The following PITPNM1 variants were observed in gnomAD, a reference collection of about 807,000 sequenced individuals.
PITPNM1 encodes phosphatidylinositol transfer protein membrane associated 1.
Under a neutral mutation model 133.3 loss-of-function variants are expected in PITPNM1, and 74 were observed. The observed-to-expected ratio is 0.56, with a 90% confidence interval of 0.46 to 0.67. The LOEUF (loss-of-function observed/expected upper bound fraction) is 0.67. PITPNM1 is among the 30% of genes least tolerant of loss of function. The pLI is 0.00. For missense variants in PITPNM1, 1,398 were observed against 1,739.5 expected (o/e 0.80, Z 3.49); for synonymous variants, 738 against 741.4 (o/e 1.00, Z 0.08).
chr11:67,504,022 C>A lies in PITPNM1; in HGVS notation c.78+81G>T, dbSNP rs960752613. The stretch of plus-strand genomic sequence containing the variant: ...CTCTTGCCTCCTCCGGGCTCCCAGC[C>A]GGTCCCAGCCCCGGGGCAGGGCTGG... On this transcript the variant is annotated intron_variant, in intron 2 of 23. Coordinates refer to ENST00000356404, the MANE Select transcript of PITPNM1 (RefSeq NM_004910.3). This position sits in a 1 kb window ranked among gnomAD's most constrained non-coding sequence, Gnocchi z 5.4. 195 of 1,112,374 alleles carry A rather than the reference C, an allele frequency of 1.8e-4. No homozygotes were observed. The highest frequency in any genetic ancestry group is 2.4e-4 in the Non-Finnish European group (185 of 782,822). 68.9% of individuals were successfully genotyped at this position (1,112,374 alleles called of 1,614,324 possible). A position where few individuals can be genotyped will look rare whatever the true frequency, so the allele number is the denominator to read the frequency against.
Position 67,502,506 on chromosome 11 carries a change from G to A in PITPNM1, c.291C>T (p.Thr97=). Residue 97 remains threonine, a splice_region_variant and synonymous_variant, in exon 3 of 24, where the codon ACC becomes ACT. Coordinates refer to ENST00000356404, the MANE Select transcript of PITPNM1 (RefSeq NM_004910.3). The surrounding 1 kb of genome is among the most constrained non-coding windows in gnomAD (Gnocchi z 5.9). ...ESWNAYPYTR[T]RYTCPFVEKF... ...CCATGCCCAGCTCACCCACTCACCGGGTTCGGGTGTAGGGGTAGGCATTCC... is the reference window on the plus strand; with the variant it reads ...CCATGCCCAGCTCACCCACTCACCGAGTTCGGGTGTAGGGGTAGGCATTCC... The A allele has an allele frequency of 1.9e-6, 3 of 1,613,652 alleles. No individual in the cohort carries two copies. Among genetic ancestry groups the A allele is most frequent in the East Asian group, 4.5e-5 (2 of 44,908 alleles).
chr11:67,496,597 C>T (rs1333336890), intron 14 of PITPNM1: 9 of 488,558 alleles, frequency 1.8e-5, no homozygotes, highest in East Asian at 1.1e-4. Context: ...GTCAGGAGTT[C>T]GAGACCAGTC....
At chr11:67,494,801 C>T in intron 18 of PITPNM1, 45 bp downstream of exon 18, 1 of 1,396,496 alleles carries the variant, frequency 7.2e-7, no homozygotes, top group Non-Finnish European at 1.0e-6. Flanking sequence ...GGTGAGTGGG[C>T]GAGAGTGGGC....
At position 67,491,842 on chromosome 11, in the gene PITPNM1, C is replaced by T. The variant is rs1277375947; in HGVS notation, c.*191G>A. 10 of 641,012 alleles carry T rather than the reference C, an allele frequency of 1.6e-5. No homozygotes were observed. The highest frequency in any genetic ancestry group is 3.7e-5 in the African/African-American group (2 of 54,382). 39.7% of individuals were successfully genotyped at this position (641,012 alleles called of 1,614,324 possible). A position where few individuals can be genotyped will look rare whatever the true frequency, so the allele number is the denominator to read the frequency against. ...CCTCTGCGCCCATGCCCACGCCCTC[C>T]TCCCTCCCCCCGGCGCTGGGTCCCC... On this transcript the variant is annotated 3_prime_UTR_variant, in exon 24 of 24. Transcript: ENST00000356404.
chr11:67,498,871 G>T lies in PITPNM1; in HGVS notation c.1234-25C>A, dbSNP rs748344115. 6 of 1,609,428 alleles carry T rather than the reference G, an allele frequency of 3.7e-6. No homozygotes were observed. The highest frequency in any genetic ancestry group is 4.2e-6 in the Non-Finnish European group (5 of 1,176,848). Reference sequence around the variant, plus strand: ...CCTGGGGGGAACAATGGGGTGCAGTGGGTGTCACAGCAGTGGCCGGGCCAG... The same window carrying T: ...CCTGGGGGGAACAATGGGGTGCAGTTGGTGTCACAGCAGTGGCCGGGCCAG... On this transcript the variant is annotated intron_variant, in intron 9 of 23. Transcript: ENST00000356404. The surrounding 1 kb of genome is among the most constrained non-coding windows in gnomAD (Gnocchi z 5.7).
rs556481443 is a variant in PITPNM1 at position 67,502,650 on chromosome 11, C to A, written c.147G>T (p.Thr49=). 1 of 1,613,518 alleles carries A rather than the reference C, an allele frequency of 6.2e-7. No homozygotes were observed. Among genetic ancestry groups the A allele is most frequent in the Admixed American group, 1.7e-5 (1 of 60,028 alleles). The change falls in exon 3 of 24, where the codon ACG becomes ACT. Residue 49 remains threonine (T), a synonymous_variant. Coordinates refer to ENST00000356404, the MANE Select transcript of PITPNM1 (RefSeq NM_004910.3). This position sits in a 1 kb window ranked among gnomAD's most constrained non-coding sequence, Gnocchi z 5.9. ...ATTGCCCGCTGCCCCCGGGCCCATC[C>A]GTGTAGGGCCGGTTGGCCAGGATCT... The part of the protein sequence containing the change: ...GVEILANRPY[T]DGPGGSGQYT...
intron 2 of PITPNM1, among the ~76,000 whole-genome samples, chr11:67,503,329 C>CG (rs1416686866): frequency 6.6e-6 from 1 of 152,170 alleles, no homozygotes; most frequent in African/African-American, 2.4e-5. Flanking sequence ...GCAAGGAGGC[C>CG]GGGGTGGCTG....
At position 67,504,065 on chromosome 11, in the gene PITPNM1, C is replaced by T. The variant is rs774730550; in HGVS notation, c.78+38G>A. 2 of 1,517,554 alleles carry T rather than the reference C, an allele frequency of 1.3e-6. No individual in the cohort carries two copies. The highest frequency in any genetic ancestry group is 8.9e-7 in the Non-Finnish European group (1 of 1,119,602). The allele number at this position is 1,517,554 out of a possible 1,614,324, so 94.0% of individuals were successfully genotyped here. On this transcript the variant is annotated intron_variant, in intron 2 of 23. Coordinates refer to ENST00000356404, the MANE Select transcript of PITPNM1 (RefSeq NM_004910.3). This position sits in a 1 kb window ranked among gnomAD's most constrained non-coding sequence, Gnocchi z 5.4. ...AGGGCTGGCGGGGTCGGCAGGGCTC[C>T]ACCCCTTGCCCGGGTGCCCTCTCCC...
rs548697661 is a variant in PITPNM1 at position 67,501,811 on chromosome 11, G to A, written c.640+51C>T. On this transcript the variant is annotated intron_variant, in intron 5 of 23. Coordinates refer to ENST00000356404, the MANE Select transcript of PITPNM1 (RefSeq NM_004910.3). ...TGGGAGCATCCCTGGCCCTAAACATGGGGTCTGGGGCATGCTGGGTAAGTG... is the reference window on the plus strand; with the variant it reads ...TGGGAGCATCCCTGGCCCTAAACATAGGGTCTGGGGCATGCTGGGTAAGTG... The A allele has an allele frequency of 6.7e-6, 10 of 1,486,250 alleles. No individual in the cohort carries two copies. The African/African-American group carries it at 1.1e-4, about 16-fold the overall frequency. The allele number at this position is 1,486,250 out of a possible 1,614,324, so 92.1% of individuals were successfully genotyped here. A position where few individuals can be genotyped will look rare whatever the true frequency, so the allele number is the denominator to read the frequency against.
chr11:67,495,999 C>G (rs528299870), intron 15 of PITPNM1, among the ~76,000 whole-genome samples, 179 bp downstream of exon 15: 1 of 152,318 alleles, frequency 6.6e-6, no homozygotes, highest in South Asian at 2.1e-4. Flanking sequence ...ACTTCTAGGC[C>G]CAGGAGGTCA....
rs1156771296 is a variant in PITPNM1, at chr11:67,502,086, T to C, written c.416A>G (p.Asp139Gly). ...SGAERRQRIL[D>G]TIDIVRDAVA... ...TGCATCCCGCACGATGTCGATGGTG[T>C]CTGAGGGAGTTCGGCAAGCATTGAG... The change falls in exon 5 of 24, where the codon GAC becomes GGC. Residue 139 changes from aspartate to glycine, a missense_variant and splice_region_variant. Transcript: ENST00000356404. This position sits in a 1 kb window ranked among gnomAD's most constrained non-coding sequence, Gnocchi z 5.9. The C allele has an allele frequency of 6.2e-7, 1 of 1,610,116 alleles. No homozygotes were observed. Among genetic ancestry groups the C allele is most frequent in the Non-Finnish European group, 8.5e-7 (1 of 1,177,976 alleles).
intron 19 of PITPNM1, 54 bp downstream of exon 19, chr11:67,494,190 C>T (rs1866030484): frequency 1.3e-6 from 2 of 1,588,064 alleles, no homozygotes; most frequent in South Asian, 1.1e-5. Context: ...GGAGCTGTTC[C>T]GAGGACAGGA....
chr11:67,501,840 C>A (rs748177707), intron 5 of PITPNM1, 22 bp downstream of exon 5: 1 of 1,605,274 alleles, frequency 6.2e-7, no homozygotes, highest in Non-Finnish European at 8.5e-7. Context: ...GTAAGTGGGA[C>A]CTCCCGCAGC....
At position 67,498,291 on chromosome 11, in the gene PITPNM1, G is replaced by A; in HGVS notation, c.1516C>T (p.Leu506=). ...GGAATGTGGTCTTGGGAGCGAGACA[G>A]GCTGTCCCCATCGTGGCTGTAAGGG... ...LSPYSHDGDS[L]SRSQDHIPLA... The change falls in exon 11 of 24, where the codon CTG becomes TTG. Residue 506 remains leucine, a synonymous_variant. Coordinates refer to ENST00000356404, the MANE Select transcript of PITPNM1 (RefSeq NM_004910.3). The surrounding 1 kb of genome is among the most constrained non-coding windows in gnomAD (Gnocchi z 5.7). The A allele has an allele frequency of 1.9e-6, 3 of 1,598,820 alleles. No homozygotes were observed. The highest frequency in any genetic ancestry group is 1.7e-5 in the Admixed American group (1 of 59,250).
chr11:67,495,265 C>T, intron 16 of PITPNM1, 40 bp from the exon 17 acceptor site: 1 of 1,541,778 alleles, frequency 6.5e-7, no homozygotes, highest in Non-Finnish European at 8.8e-7. Context: ...GCCTCCTGCC[C>T]CACACCCATC....
In PITPNM1 at chr11:67,495,145, T is replaced by C. The variant is rs757215632; in HGVS notation, c.2563A>G (p.Thr855Ala). Reference sequence around the variant, plus strand: ...CTGGCGTGGAAGAGGTGGGGCAGCGTGACGGTGGGAAAGGCGGTGAGCGCC... The same window carrying C: ...CTGGCGTGGAAGAGGTGGGGCAGCGCGACGGTGGGAAAGGCGGTGAGCGCC... ...PEALTAFPTVTLPHLFHASYW... is the reference protein window; with the variant it reads ...PEALTAFPTVALPHLFHASYW... Residue 855 changes from threonine (T) to alanine (A), a missense_variant, in exon 17 of 24, where the codon ACG (threonine) becomes GCG (alanine). Coordinates refer to ENST00000356404, the MANE Select transcript of PITPNM1 (RefSeq NM_004910.3). 6.2e-7 allele frequency: 1 copy of C among 1,612,466 alleles called. No homozygotes were observed. Among genetic ancestry groups the C allele is most frequent in the Non-Finnish European group, 8.5e-7 (1 of 1,179,864 alleles).
intron 16 of PITPNM1, 59 bp from the exon 17 acceptor site, chr11:67,495,284 C>T (rs1565189564): frequency 1.3e-6 from 2 of 1,516,644 alleles, no homozygotes; most frequent in Non-Finnish European, 1.8e-6. Flanking sequence ...TCTGCCTGGG[C>T]GCTGGGTGCT....
At position 67,502,356 on chromosome 11, in the gene PITPNM1, AG is replaced by A. The variant is rs1378807453; in HGVS notation, c.350del (p.Pro117LeufsTer12). 6.2e-7 allele frequency: 1 copy of A among 1,613,648 alleles called. No homozygotes were observed. The highest frequency in any genetic ancestry group is 1.3e-5 in the African/African-American group (1 of 74,930). ...AGACGTTTGGCTGCTGCCCCCCATC[AG>A]GCAGGTAATAGGTCTCAATTTCAAT... ...FSIEIETYYL[P>X]DGGQQPNVFN... is the part of the protein sequence containing the mutation. On this transcript the variant is annotated frameshift_variant, in exon 4 of 24. Transcript: ENST00000356404. LOFTEE classifies it high-confidence loss of function. The surrounding 1 kb of genome is among the most constrained non-coding windows in gnomAD (Gnocchi z 5.9).
chr11:67,502,728 A>G lies in PITPNM1; in HGVS notation c.79-10T>C, dbSNP rs779512979. On this transcript the variant is annotated splice_polypyrimidine_tract_variant and intron_variant, in intron 2 of 23. Transcript: ENST00000356404. This position sits in a 1 kb window ranked among gnomAD's most constrained non-coding sequence, Gnocchi z 5.9. The stretch of plus-strand genomic sequence containing the variant: ...CCTCCCGGCTCTTTTTCTGTGGCCC[A>G]AGGGAGAGCAGGACAGGGAGCTCAG... 1 of 1,609,800 alleles carries G rather than the reference A, an allele frequency of 6.2e-7. No homozygotes were observed. Among genetic ancestry groups the G allele is most frequent in the South Asian group, 1.1e-5 (1 of 91,038 alleles).
Sources: gnomAD v4.1 joint callset for allele counts (sites outside exome capture counted in the v4.1 genomes callset) on GRCh38, gnomAD v4.1.1 for gene constraint, Gnocchi (gnomAD v3.1) non-coding constraint, MANE v1.5 for transcripts, NCBI Gene and HGNC (gene_info 2026-07-23, HGNC 2026-07-21) for gene names.